The following VHL variants were observed in gnomAD, a reference collection of about 807,000 sequenced individuals.
The protein encoded by VHL is von Hippel-Lindau tumor suppressor, also known as von Hippel-Lindau disease tumor suppressor.
VHL carries 10 observed loss-of-function variants against 19.2 expected under a neutral mutation model. The observed-to-expected ratio is 0.52, with a 90% CI of 0.32 to 0.89. The LOEUF is 0.89. VHL is among the 40% of genes least tolerant of loss of function. The pLI is 0.03. For synonymous variants in VHL, 167 were observed against 129.5 expected, an observed-to-expected ratio of 1.29 and a Z score of -1.97; for missense variants, 328 against 292.7, an observed-to-expected ratio of 1.12 and a Z score of -0.88.
chr3:10,141,781 G>A lies in VHL; in HGVS notation c.-67G>A. 6.6e-7 allele frequency: 1 copy of A among 1,520,864 alleles called. No individual in the cohort carries two copies. Among genetic ancestry groups the A allele is most frequent in the East Asian group, 2.5e-5 (1 of 40,454 alleles). The allele number at this position is 1,520,864 out of a possible 1,614,324, so 94.2% of individuals were successfully genotyped here. On this transcript the variant is annotated 5_prime_UTR_variant, in exon 1 of 3. Transcript: ENST00000256474. ...AGGTCGACTCGGGAGCGCGCACGCA[G>A]CTCCGCCCCGCGTCCGACCCGCGGA... is the stretch of plus-strand genomic sequence containing the variant.
At chr3:10,144,481 G>A (rs1376035340) in intron 1 of VHL, among the ~76,000 whole-genome samples, 1 of 143,150 alleles carries the variant, frequency 7.0e-6, no homozygotes, top group Non-Finnish European at 1.5e-5. Context: ...GCAAGACCCT[G>A]TCTCTCTATC....
rs552930903 is a variant in VHL, at chr3:10,149,777, G to T, written c.464-10G>T. 6.2e-7 allele frequency: 1 copy of T among 1,613,550 alleles called. No individual in the cohort carries two copies. On this transcript the variant is annotated splice_polypyrimidine_tract_variant and intron_variant, in intron 2 of 2. Transcript: ENST00000256474. Reference sequence around the variant, plus strand: ...GTCTGCCACTGAGGATTTGGTTTTTGCCCTTCCAGTGTATACTCTGAAAGA... The same window carrying T: ...GTCTGCCACTGAGGATTTGGTTTTTTCCCTTCCAGTGTATACTCTGAAAGA...
chr3:10,151,541 G>A lies in VHL; in HGVS notation c.*1576G>A, dbSNP rs559084539. On this transcript the variant is annotated 3_prime_UTR_variant, in exon 3 of 3. Coordinates refer to ENST00000256474, the MANE Select transcript of VHL (RefSeq NM_000551.4). ...TAACATTTTGAGCTATTTCCTTCCA[G>A]CCTTTTTAGGGCAGATTTTGGTTGG... The A allele has an allele frequency of 8.8e-6, 2 of 226,528 alleles. No homozygotes were observed. Among genetic ancestry groups the A allele is most frequent in the African/African-American group, 4.4e-5 (2 of 45,102 alleles). The allele number at this position is 226,528 out of a possible 1,614,324, so 14.0% of individuals were successfully genotyped here.
rs1041395081 is a variant in VHL, at chr3:10,142,878, C to G, written c.340+691C>G. On this transcript the variant is annotated intron_variant, in intron 1 of 2. Coordinates refer to ENST00000256474, the MANE Select transcript of VHL (RefSeq NM_000551.4). ...GAACAAGCCAGGGTCATGTTGGCGC[C>G]GGAAGAGCCGACCGTGTGTGGCGTG... 10 of 152,500 alleles carry G rather than the reference C, an allele frequency of 6.6e-5. No homozygotes were observed. The highest frequency in any genetic ancestry group is 2.2e-4 in the African/African-American group (9 of 41,544). 9.4% of individuals were successfully genotyped at this position (152,500 alleles called of 1,614,324 possible). A position where few individuals can be genotyped will look rare whatever the true frequency, so the allele number is the denominator to read the frequency against.
At position 10,149,967 on chromosome 3, in the gene VHL, G is replaced by T. The variant is rs1383791869; in HGVS notation, c.*2G>T. On this transcript the variant is annotated 3_prime_UTR_variant, in exon 3 of 3. Transcript: ENST00000256474. The stretch of plus-strand genomic sequence containing the variant: ...GCACATCAACGGATGGGAGATTGAA[G>T]ATTTCTGTTGAAACTTACACTGTTT... The T allele has an allele frequency of 6.2e-7, 1 of 1,612,618 alleles. No homozygotes were observed. Among genetic ancestry groups the T allele is most frequent in the Admixed American group, 1.7e-5 (1 of 59,762 alleles).
chr3:10,142,073 T>G lies in VHL; in HGVS notation c.226T>G (p.Phe76Val). 6.2e-7 allele frequency: 1 copy of G among 1,607,298 alleles called. No individual in the cohort carries two copies. The highest frequency in any genetic ancestry group is 8.5e-7 in the Non-Finnish European group (1 of 1,179,536). ...VNSREPSQVI[F>V]CNRSPRVVLP... ...CTCGCGCGAGCCCTCCCAGGTCATC[T>G]TCTGCAATCGCAGTCCGCGCGTCGT... is the stretch of plus-strand genomic sequence containing the variant. Residue 76 changes from phenylalanine (F) to valine (V), a missense_variant, in exon 1 of 3, where the codon TTC becomes GTC. Physicochemically the swap from Phe to Val is conservative, Grantham distance 50. Coordinates refer to ENST00000256474, the MANE Select transcript of VHL (RefSeq NM_000551.4).
rs1480825246 is a variant in VHL, at chr3:10,141,998, G to T, written c.151G>T (p.Glu51Ter). The change falls in exon 1 of 3, where the codon GAG becomes TAG. Residue 51 changes from glutamate to a stop codon, truncating the protein, a stop_gained. Coordinates refer to ENST00000256474, the MANE Select transcript of VHL (RefSeq NM_000551.4). LOFTEE classifies it high-confidence loss of function. ...EESGPEELGA[E>*]EEMEAGRPRP... ...GTCCGGCCCGGAGGAACTGGGCGCC[G>T]AGGAGGAGATGGAGGCCGGGCGGCC... 2 of 1,580,700 alleles carry T rather than the reference G, an allele frequency of 1.3e-6. No homozygotes were observed. Among genetic ancestry groups the T allele is most frequent in the East Asian group, 2.3e-5 (1 of 42,970 alleles).
chr3:10,150,247 G>A lies in VHL; in HGVS notation c.*282G>A. On this transcript the variant is annotated 3_prime_UTR_variant, in exon 3 of 3. Coordinates refer to ENST00000256474, the MANE Select transcript of VHL (RefSeq NM_000551.4). Reference sequence around the variant, plus strand: ...CCTAGTAAGTCAGGACAGCTTGTATGTAAGGAGGTTTGTATAAGTAATTCA... The same window carrying A: ...CCTAGTAAGTCAGGACAGCTTGTATATAAGGAGGTTTGTATAAGTAATTCA... The A allele has an allele frequency of 1.5e-6, 2 of 1,326,618 alleles. No homozygotes were observed. Among genetic ancestry groups the A allele is most frequent in the South Asian group, 1.5e-5 (1 of 64,828 alleles). 82.2% of individuals were successfully genotyped at this position (1,326,618 alleles called of 1,614,324 possible).
At chr3:10,142,341 C>CTGT (rs1696146578) in intron 1 of VHL, among the ~76,000 whole-genome samples, 154 bp downstream of exon 1, 1 of 107,960 alleles carries the variant, frequency 9.3e-6, no homozygotes, top group South Asian at 3.0e-4. Context: ...TCAGAGCATT[C>CTGT]TTTTTTTTTT....
At chr3:10,143,933 G>A (rs1409772672) in intron 1 of VHL, among the ~76,000 whole-genome samples, 1 of 152,144 alleles carries the variant, frequency 6.6e-6, no homozygotes, top group African/African-American at 2.4e-5. Context: ...TCTTGCCATG[G>A]CCTTTAAGCA....
intron 1 of VHL, 111 bp from the exon 2 acceptor site, chr3:10,146,403 T>C: frequency 7.0e-7 from 1 of 1,431,274 alleles, no homozygotes; most frequent in Non-Finnish European, 9.8e-7. Flanking sequence ...CTTGATCTCC[T>C]GACCTCATGA....
intron 2 of VHL, among the ~76,000 whole-genome samples, chr3:10,147,076 A>G (rs549441039): frequency 6.6e-5 from 10 of 152,224 alleles, no homozygotes; most frequent in African/African-American, 2.4e-4. Context: ...CAGTGGCGCA[A>G]TCTCGGCTCA....
chr3:10,144,532 T>A (rs34232505), intron 1 of VHL, among the ~76,000 whole-genome samples: 29,541 of 142,270 alleles, frequency 0.21, 3,838 homozygotes, highest in African/African-American at 0.37. Flanking sequence ...GATGTCCTGC[T>A]GTTGCCTGGG....
rs148013887 is a variant in VHL at position 10,153,440 on chromosome 3, CA to C, written c.*3482del. 5.4e-5 allele frequency among the ~76,000 whole-genome samples: 8 copies of C among 149,392 alleles called. No individual in the cohort carries two copies. The highest frequency in any genetic ancestry group is 1.0e-4 in the Non-Finnish European group (7 of 67,330). The stretch of plus-strand genomic sequence containing the variant: ...GTGAAATTCCATCTCAAAAAGAAAC[CA>C]AAAAAACAAAAAAAAAACATGCCGT... On this transcript the variant is annotated 3_prime_UTR_variant, in exon 3 of 3. Transcript: ENST00000256474.
At position 10,149,962 on chromosome 3, in the gene VHL, T is replaced by C. The variant is rs775624944; in HGVS notation, c.639T>C (p.Asp213=). 110 of 1,613,258 alleles carry C rather than the reference T, an allele frequency of 6.8e-5. No homozygotes were observed. The highest frequency in any genetic ancestry group is 8.4e-5 in the Non-Finnish European group (99 of 1,179,628). The part of the protein sequence containing the change: ...QERIAHQRMG[D] ...GCATTGCACATCAACGGATGGGAGA[T>C]TGAAGATTTCTGTTGAAACTTACAC... is the stretch of plus-strand genomic sequence containing the variant. Residue 213 remains aspartate (D), a synonymous_variant, in exon 3 of 3, where the codon GAT becomes GAC. Coordinates refer to ENST00000256474, the MANE Select transcript of VHL (RefSeq NM_000551.4).
intron 1 of VHL, 60 bp downstream of exon 1, chr3:10,142,247 C>A (rs1696143267): frequency 6.5e-7 from 1 of 1,545,178 alleles, no homozygotes; most frequent in Non-Finnish European, 8.7e-7. Context: ...TGAAGCCCCT[C>A]TACCGCCCCG....
intron 2 of VHL, among the ~76,000 whole-genome samples, chr3:10,147,359 G>T (rs1160472718): frequency 2.4e-5 from 1 of 42,432 alleles, no homozygotes; most frequent in Non-Finnish European, 4.4e-5. Flanking sequence ...AATCAGAGGT[G>T]TTTTTTTTTT....
intron 2 of VHL, among the ~76,000 whole-genome samples, chr3:10,149,156 A>C (rs1019562826): frequency 3.4e-5 from 5 of 147,316 alleles, no homozygotes; most frequent in African/African-American, 5.1e-5. Flanking sequence ...TCTGTCACCC[A>C]GGTTGGAGTG....
Position 10,144,953 on chromosome 3 carries a change from G to A in VHL, c.341-1561G>A, listed in dbSNP as rs368899330. Among the ~76,000 whole-genome samples, 11 of 152,172 alleles carry A rather than the reference G, an allele frequency of 7.2e-5. 1 individual carries two copies. Among genetic ancestry groups the A allele is most frequent in the South Asian group, 2.1e-4 (1 of 4,836 alleles). On this transcript the variant is annotated intron_variant, in intron 1 of 2. Transcript: ENST00000256474. The stretch of plus-strand genomic sequence containing the variant: ...TTTAAAAATGGTTAAAATGGTAAAT[G>A]TTTGAGGCAGGTAGATCCACCTGAG...
Sources: gnomAD v4.1 joint callset for allele counts (sites outside exome capture counted in the v4.1 genomes callset) on GRCh38, gnomAD v4.1.1 for gene constraint, MANE v1.5 for transcripts, NCBI Gene and HGNC (gene_info 2026-07-23, HGNC 2026-07-21) for gene names.